PCDH15: variants seen among roughly 807,000 people sequenced by gnomAD.
The protein encoded by PCDH15 is protocadherin related 15, also known as protocadherin-15.
A neutral mutation model predicts 178.5 loss-of-function variants in PCDH15; 129 were observed. That is an observed-to-expected ratio of 0.72 (90% CI 0.63 to 0.84). PCDH15 has a LOEUF of 0.84. Ranked by LOEUF, PCDH15 falls within the 40% of genes least tolerant of loss-of-function variation. The pLI is 0.00. For synonymous variants in PCDH15, 800 were observed against 732.0 expected, an observed-to-expected ratio of 1.09 and a Z score of -1.50; for missense variants, 2,230 against 2,099.9, an observed-to-expected ratio of 1.06 and a Z score of -1.21.
chr10:54,587,509 G>A (rs2091573065), intron 2 of PCDH15, among the ~76,000 whole-genome samples: 1 of 148,000 alleles, frequency 6.8e-6, no homozygotes, highest in African/African-American at 2.5e-5. Flanking sequence ...GCTAAGTGAC[G>A]CCAGCAAAAA....
Position 55,351,090 on chromosome 10 carries a change from C to A in PCDH15, c.-155-184439G>T, listed in dbSNP as rs561569647. Among the ~76,000 whole-genome samples, 3 of 138,888 alleles carry A rather than the reference C, an allele frequency of 2.2e-5. No individual in the cohort carries two copies. In the East Asian group the frequency reaches 7.5e-4, roughly 35 times the overall value. The allele number at this position is 138,888 out of a possible 152,430, so 91.1% of individuals were successfully genotyped here. A position where few individuals can be genotyped will look rare whatever the true frequency, so the allele number is the denominator to read the frequency against. On this transcript the variant is annotated intron_variant, in intron 2 of 5. Coordinates refer to the PCDH15 transcript ENST00000613346. ...CTGCCTCCTCCTCCTCCTCCTCCTT[C>A]TTCTTCTCCTTCTTCTTCTTCTGCC...
At chr10:54,312,865 C>T (rs1263062787) in intron 8 of PCDH15, among the ~76,000 whole-genome samples, 1 of 152,040 alleles carries the variant, frequency 6.6e-6, no homozygotes. Flanking sequence ...GCCTGTTATA[C>T]GGTGACTGAT....
intron 3 of PCDH15, among the ~76,000 whole-genome samples, chr10:54,445,636 T>C (rs1399696895): frequency 6.6e-6 from 1 of 151,620 alleles, no homozygotes; most frequent in Non-Finnish European, 1.5e-5. Flanking sequence ...CTAATAAATG[T>C]CTATTTTTTT....
In PCDH15 at chr10:54,287,879, C is replaced by G. The variant is rs140381902; in HGVS notation, c.876+29392G>C. 3.3e-5 allele frequency among the ~76,000 whole-genome samples: 5 copies of G among 152,216 alleles called. No individual in the cohort carries two copies. In the East Asian group the frequency reaches 9.7e-4, roughly 29 times the overall value. On this transcript the variant is annotated intron_variant, in intron 8 of 37. Coordinates refer to ENST00000644397, the MANE Select transcript of PCDH15 (RefSeq NM_001384140.1). ...TGGGGTGGCATACATACCATCTATTCTGGTTAGAGATGGACTCTGGACGCT... is the reference window on the plus strand; with the variant it reads ...TGGGGTGGCATACATACCATCTATTGTGGTTAGAGATGGACTCTGGACGCT...
chr10:54,809,485 G>C (rs61854145), intron 3 of PCDH15, among the ~76,000 whole-genome samples: 256 of 152,122 alleles, frequency 1.7e-3, no homozygotes, highest in Middle Eastern at 3.4e-3. Context: ...TTACAAGTTT[G>C]GCAAATATAT....
upstream of PCDH15, among the ~76,000 whole-genome samples, chr10:55,320,438 C>G (rs1843860244): frequency 6.6e-6 from 1 of 151,772 alleles, no homozygotes; most frequent in Non-Finnish European, 1.5e-5. Flanking sequence ...CGCCCCAGTA[C>G]AGTCAGCAAG....
At chr10:55,071,307 T>C (rs984730375) in intron 2 of PCDH15, among the ~76,000 whole-genome samples, 1 of 149,434 alleles carries the variant, frequency 6.7e-6, no homozygotes, top group Non-Finnish European at 1.5e-5. Flanking sequence ...GACTGGCAAA[T>C]TGGACAGAGT....
chr10:54,534,129 T>C (rs1429725145), intron 2 of PCDH15, among the ~76,000 whole-genome samples: 1 of 152,120 alleles, frequency 6.6e-6, no homozygotes, highest in East Asian at 1.9e-4. Flanking sequence ...ACATTTGCTT[T>C]TATTAGTATC....
At chr10:55,010,814 T>C (rs1449953097) in intron 2 of PCDH15, among the ~76,000 whole-genome samples, 1 of 152,094 alleles carries the variant, frequency 6.6e-6, no homozygotes, top group Non-Finnish European at 1.5e-5. Context: ...AAAAAAGGTA[T>C]TTATATCACA....
At chr10:54,302,300 G>A (rs1489484922) in intron 8 of PCDH15, among the ~76,000 whole-genome samples, 1 of 152,108 alleles carries the variant, frequency 6.6e-6, no homozygotes, top group Non-Finnish European at 1.5e-5. Flanking sequence ...TGTTGTACAG[G>A]GAAAAGGTAG....
intron 3 of PCDH15, among the ~76,000 whole-genome samples, chr10:54,430,261 G>T (rs1956809132): frequency 6.7e-6 from 1 of 149,722 alleles, no homozygotes. Context: ...TCACCATGTT[G>T]GTCAGGTGGT....
At chr10:54,293,576 A>G (rs1437949486) in intron 8 of PCDH15, among the ~76,000 whole-genome samples, 1 of 152,202 alleles carries the variant, frequency 6.6e-6, no homozygotes, top group African/African-American at 2.4e-5. Context: ...CATCTGACAA[A>G]GGGCTAATAT....
intron 3 of PCDH15, among the ~76,000 whole-genome samples, chr10:54,870,103 T>C (rs1375000435): frequency 1.3e-5 from 2 of 152,228 alleles, no homozygotes; most frequent in African/African-American, 4.8e-5. Flanking sequence ...CACACTGTCT[T>C]GCAAATAGTT....
rs550533542 is a variant in PCDH15, at chr10:53,852,187, T to C, written c.3806+4988A>G. ...TTATAAAATGCAAACATTTCATAGT[T>C]TCTTCTTTAGACAATTATTTGCCAA... On this transcript the variant is annotated intron_variant, in intron 28 of 37. Coordinates refer to ENST00000644397, the MANE Select transcript of PCDH15 (RefSeq NM_001384140.1). Among the ~76,000 whole-genome samples the C allele has an allele frequency of 1.5e-3, 230 of 152,186 alleles. 2 individuals carry two copies. Among genetic ancestry groups the C allele is most frequent in the Middle Eastern group, 6.8e-3 (2 of 294 alleles).
chr10:55,542,652 T>A (rs1319154936), intron 2 of PCDH15, among the ~76,000 whole-genome samples: 2 of 131,700 alleles, frequency 1.5e-5, no homozygotes, highest in African/African-American at 5.6e-5. Flanking sequence ...TGTATGTGTC[T>A]ATATAGGTAC....
At chr10:54,089,944 C>T in intron 16 of PCDH15, 40 bp downstream of exon 16, 1 of 1,449,804 alleles carries the variant, frequency 6.9e-7, no homozygotes, top group Non-Finnish European at 9.7e-7. Context: ...CAGTACGTTG[C>T]TGTACATTTT....
intron 2 of PCDH15, among the ~76,000 whole-genome samples, chr10:55,156,971 G>A (rs903394732): frequency 6.6e-6 from 1 of 151,786 alleles, no homozygotes; most frequent in African/African-American, 2.4e-5. Flanking sequence ...CTAAACTCTT[G>A]GGTCAGCCCT....
chr10:54,091,243 G>T lies in PCDH15; in HGVS notation c.1918-1180C>A, dbSNP rs150403857. On this transcript the variant is annotated intron_variant, in intron 15 of 37. Transcript: ENST00000644397. Reference sequence around the variant, plus strand: ...ATCTGCCTAAGCATGATGCTACAGGGGGGGATATATCTGATAAAGGTTCAG... The same window carrying T: ...ATCTGCCTAAGCATGATGCTACAGGTGGGGATATATCTGATAAAGGTTCAG... Among the ~76,000 whole-genome samples, 1,112 of 152,292 alleles carry T rather than the reference G, an allele frequency of 7.3e-3. 10 individuals are homozygous for T. The highest frequency in any genetic ancestry group is 0.025 in the African/African-American group (1,058 of 41,546).
At chr10:54,678,872 A>C (rs2094840792) in intron 1 of PCDH15, among the ~76,000 whole-genome samples, 1 of 152,200 alleles carries the variant, frequency 6.6e-6, no homozygotes, top group African/African-American at 2.4e-5. Flanking sequence ...CTTGCATAAC[A>C]CTTATGTAAT....
Sources: gnomAD v4.1 joint callset for allele counts (sites outside exome capture counted in the v4.1 genomes callset) on GRCh38, gnomAD v4.1.1 for gene constraint, MANE v1.5 for transcripts, NCBI Gene and HGNC (gene_info 2026-07-23, HGNC 2026-07-21) for gene names.